Variants in ZNF827 observed in about 807,000 individuals in gnomAD.
ZNF827 encodes zinc finger protein 827.
ZNF827 carries 13 observed loss-of-function variants against 102.4 expected under a neutral mutation model. The observed-to-expected ratio is 0.13, with a 90% CI of 0.08 to 0.20. The LOEUF (loss-of-function observed/expected upper bound fraction) is 0.20, where lower values mean the gene tolerates loss of function less well. Ranked by LOEUF, ZNF827 falls within the 10% of genes least tolerant of loss-of-function variation. The probability of loss-of-function intolerance (pLI) is 1.00; values close to 1 mark genes in which losing one functional copy is unlikely to be tolerated. For missense variants in ZNF827, 1,103 were observed against 1,344.4 expected, an observed-to-expected ratio of 0.82 and a Z score of 2.81; for synonymous variants, 523 against 536.2, an observed-to-expected ratio of 0.98 and a Z score of 0.34.
chr4:145,869,125 T>C (rs535325361), intron 5 of ZNF827, among the ~76,000 whole-genome samples: 2 of 152,384 alleles, frequency 1.3e-5, no homozygotes, highest in East Asian at 3.9e-4. Flanking sequence ...AATGATTGCA[T>C]TATGCTTTAT....
intron 3 of ZNF827, among the ~76,000 whole-genome samples, chr4:145,890,381 C>T (rs1750497514): frequency 6.6e-6 from 1 of 152,166 alleles, no homozygotes; most frequent in African/African-American, 2.4e-5. Flanking sequence ...CCACGACCCA[C>T]AAAGCCCTTG....
In ZNF827 at chr4:145,763,100, C is replaced by G. The variant is rs764232871; in HGVS notation, c.*7G>C. The G allele has an allele frequency of 3.9e-6, 6 of 1,536,074 alleles. No individual in the cohort carries two copies. The South Asian group carries it at 7.1e-5, about 18-fold the overall frequency. On this transcript the variant is annotated 3_prime_UTR_variant, in exon 14 of 15. Transcript: ENST00000508784. The surrounding 1 kb of genome is among the most constrained non-coding windows in gnomAD (Gnocchi z 4.6). ...CAAGCTGGGCCTTACCTAGAGGAGT[C>G]TGAAACTCACCACTGTCCTGAGCTA... is the stretch of plus-strand genomic sequence containing the variant.
rs762412799 is a variant in ZNF827 at position 145,902,308 on chromosome 4, G to A, written c.951C>T (p.Pro317=). The A allele has an allele frequency of 9.4e-6, 15 of 1,597,016 alleles. No individual in the cohort carries two copies. The Admixed American group carries it at 2.4e-4, about 26-fold the overall frequency. Residue 317 remains proline (P), a synonymous_variant, in exon 2 of 15, where the codon CCC becomes CCT. Coordinates refer to ENST00000508784, the MANE Select transcript of ZNF827 (RefSeq NM_001306215.2). The surrounding 1 kb of genome is among the most constrained non-coding windows in gnomAD (Gnocchi z 4.3). ...TTTCTGGTTTCTTCTCTGAAGGCGG[G>A]GGCGGTAGAGGGTCCTCAGGCAGCA... ...SSLLPEDPLP[P]PPSEKKPEKV... is the part of the protein sequence containing the mutation.
rs113091190 is a variant in ZNF827 at position 145,780,066 on chromosome 4, C to T, written c.2384-555G>A. 1.3e-3 allele frequency among the ~76,000 whole-genome samples: 198 copies of T among 152,322 alleles called. 1 individual carries two copies. Among genetic ancestry groups the T allele is most frequent in the African/African-American group, 4.5e-3 (189 of 41,572 alleles). ...AGTAGCTGGGCATGGTGGCGGGTGC[C>T]TGTAATCCCAGCTACTTCAGAGGCT... On this transcript the variant is annotated intron_variant, in intron 8 of 14. Transcript: ENST00000508784.
intron 8 of ZNF827, among the ~76,000 whole-genome samples, chr4:145,790,263 C>T (rs1406204221): frequency 6.6e-6 from 1 of 152,074 alleles, no homozygotes; most frequent in Non-Finnish European, 1.5e-5. Context: ...ATAAGAATTT[C>T]CTCTTTTCTC....
At chr4:145,801,906 T>C (rs780288415) in intron 8 of ZNF827, among the ~76,000 whole-genome samples, 11 of 141,478 alleles carry the variant, frequency 7.8e-5, no homozygotes, top group Admixed American at 4.9e-4. Context: ...GTGAGCATTC[T>C]ACCACTCATG....
chr4:145,841,393 T>C (rs1745402781), intron 7 of ZNF827, among the ~76,000 whole-genome samples: 1 of 152,240 alleles, frequency 6.6e-6, no homozygotes, highest in South Asian at 2.1e-4. Flanking sequence ...TGTATTTTCA[T>C]CTACCAAATG....
At chr4:145,784,193 C>T (rs1738514309) in intron 8 of ZNF827, among the ~76,000 whole-genome samples, 1 of 152,182 alleles carries the variant, frequency 6.6e-6, no homozygotes, top group Non-Finnish European at 1.5e-5. Flanking sequence ...AAAACCCTTT[C>T]ATTGTAAATT....
chr4:145,768,957 T>A (rs1451884494), intron 11 of ZNF827, among the ~76,000 whole-genome samples: 1 of 131,178 alleles, frequency 7.6e-6, no homozygotes, highest in Non-Finnish European at 1.6e-5. Flanking sequence ...AATGGTGGGT[T>A]ACATCTAGAG....
intron 5 of ZNF827, among the ~76,000 whole-genome samples, chr4:145,856,078 T>TC (rs1747077546): frequency 6.6e-6 from 1 of 151,842 alleles, no homozygotes; most frequent in African/African-American, 2.4e-5. Context: ...CACTACAACC[T>TC]CCACTTCCTG....
At chr4:145,920,126 C>T (rs1752955092) in intron 1 of ZNF827, among the ~76,000 whole-genome samples, 1 of 152,188 alleles carries the variant, frequency 6.6e-6, no homozygotes, top group South Asian at 2.1e-4. Flanking sequence ...AATAGCTTTC[C>T]CTTTTTCCCA....
chr4:145,855,608 A>G (rs1347351700), intron 5 of ZNF827, among the ~76,000 whole-genome samples: 1 of 152,212 alleles, frequency 6.6e-6, no homozygotes, highest in Non-Finnish European at 1.5e-5. Flanking sequence ...CCCTTCCAAA[A>G]CCACAATGGA....
At chr4:145,846,493 C>A (rs61190530) in intron 6 of ZNF827, among the ~76,000 whole-genome samples, 44,481 of 140,240 alleles carry the variant, frequency 0.32, 7,079 homozygotes, top group Non-Finnish European at 0.34. Context: ...AACAAACAAA[C>A]AAAAAAACAC....
At chr4:145,881,231 A>C (rs1227114779) in intron 4 of ZNF827, among the ~76,000 whole-genome samples, 3 of 151,828 alleles carry the variant, frequency 2.0e-5, no homozygotes, top group Non-Finnish European at 4.4e-5. Context: ...AATAAGTCAG[A>C]AACAGTTTAG....
intron 7 of ZNF827, among the ~76,000 whole-genome samples, chr4:145,843,752 C>T (rs17020694): frequency 0.034 from 5,200 of 152,306 alleles, 277 homozygotes; most frequent in African/African-American, 0.12. Flanking sequence ...TAAGTGAGAA[C>T]CGCTGTCCCC....
At chr4:145,799,392 T>G (rs553877537) in intron 8 of ZNF827, among the ~76,000 whole-genome samples, 22 of 152,328 alleles carry the variant, frequency 1.4e-4, no homozygotes, top group Middle Eastern at 3.4e-3. Context: ...TAGGTATTAC[T>G]GGCAATTTAC....
intron 8 of ZNF827, among the ~76,000 whole-genome samples, chr4:145,789,004 G>C (rs902036090): frequency 2.0e-5 from 3 of 152,182 alleles, no homozygotes; most frequent in African/African-American, 7.2e-5. Context: ...TGCTATTAGA[G>C]GCTGGTCATG....
In ZNF827 at chr4:145,902,806, G is replaced by A. The variant is rs1397664438; in HGVS notation, c.453C>T (p.Gly151=). The part of the protein sequence containing the change: ...NGRVESPVNV[G]SNLSFSPPSH... ...AAGGCGGGGAAAAGGAGAGGTTCGA[G>A]CCAACGTTTACGGGGGACTCCACTC... The change falls in exon 2 of 15, where the codon GGC becomes GGT. Residue 151 remains glycine, a synonymous_variant. Coordinates refer to ENST00000508784, the MANE Select transcript of ZNF827 (RefSeq NM_001306215.2). This position sits in a 1 kb window ranked among gnomAD's most constrained non-coding sequence, Gnocchi z 4.3. 2.5e-6 allele frequency: 4 copies of A among 1,614,032 alleles called. No individual in the cohort carries two copies. The highest frequency in any genetic ancestry group is 2.5e-6 in the Non-Finnish European group (3 of 1,180,036).
intron 8 of ZNF827, among the ~76,000 whole-genome samples, chr4:145,798,106 T>C (rs1291172385): frequency 6.6e-6 from 1 of 152,222 alleles, no homozygotes; most frequent in Non-Finnish European, 1.5e-5. Flanking sequence ...GAGGTTTGCA[T>C]ACTGGAGTGT....
Sources: gnomAD v4.1 joint callset for allele counts (sites outside exome capture counted in the v4.1 genomes callset) on GRCh38, gnomAD v4.1.1 for gene constraint, Gnocchi (gnomAD v3.1) non-coding constraint, MANE v1.5 for transcripts, NCBI Gene and HGNC (gene_info 2026-07-23, HGNC 2026-07-21) for gene names.